MLLT10: variants seen among roughly 807,000 people sequenced by gnomAD.
MLLT10 encodes the protein protein AF-10.
Under a neutral mutation model 129.1 loss-of-function variants are expected in MLLT10, and 30 were observed. The observed-to-expected ratio is 0.23, with a 90% CI of 0.17 to 0.32. MLLT10 has a LOEUF of 0.32. MLLT10 is among the 10% of genes least tolerant of loss of function. The probability of loss-of-function intolerance (pLI) is 1.00; values close to 1 mark genes in which losing one functional copy is unlikely to be tolerated. For missense variants in MLLT10, 1,119 were observed against 1,268.3 expected (o/e 0.88, Z 1.79); for synonymous variants, 490 against 446.4 (o/e 1.10, Z -1.23).
intron 13 of MLLT10, among the ~76,000 whole-genome samples, chr10:21,704,019 T>TTG (rs1490038643): frequency 1.2e-4 from 15 of 126,076 alleles, no homozygotes; most frequent in Non-Finnish European, 2.5e-4. Context: ...GTTTTTTGTT[T>TTG]TTTTTTTTTT....
chr10:21,583,169 CAAAAT>C (rs762182229), intron 3 of MLLT10, among the ~76,000 whole-genome samples: 6 of 152,116 alleles, frequency 3.9e-5, no homozygotes, highest in Non-Finnish European at 7.4e-5. Context: ...GACTCCATCT[CAAAAT>C]AAAATAAAAT....
intron 8 of MLLT10, among the ~76,000 whole-genome samples, chr10:21,650,034 G>C (rs1432425689): frequency 1.3e-5 from 2 of 152,080 alleles, no homozygotes; most frequent in Non-Finnish European, 1.5e-5. Flanking sequence ...AGAACACTCT[G>C]GGCAACATAG....
intron 3 of MLLT10, among the ~76,000 whole-genome samples, chr10:21,546,630 C>A (rs942800175): frequency 6.7e-6 from 1 of 149,254 alleles, no homozygotes; most frequent in African/African-American, 2.5e-5. Context: ...TGCAGTGGCG[C>A]AGTCTCAGCT....
intron 9 of MLLT10, among the ~76,000 whole-genome samples, chr10:21,652,807 C>G (rs1033187859): frequency 6.6e-6 from 1 of 152,066 alleles, no homozygotes; most frequent in African/African-American, 2.4e-5. Flanking sequence ...AGCAGGGAGG[C>G]CATTAGCAAG....
chr10:21,665,329 C>T (rs1022374771), intron 9 of MLLT10, among the ~76,000 whole-genome samples: 14 of 146,168 alleles, frequency 9.6e-5, no homozygotes, highest in African/African-American at 3.6e-4. Flanking sequence ...ACTCTTGTTG[C>T]CCAGGCTGGA....
chr10:21,659,781 G>T (rs2131344245), intron 9 of MLLT10, among the ~76,000 whole-genome samples: 1 of 152,196 alleles, frequency 6.6e-6, no homozygotes, highest in Middle Eastern at 3.4e-3. Context: ...AAAGTGCTGG[G>T]ATTACAGGTG....
chr10:21,666,163 T>C (rs960092218), intron 9 of MLLT10, among the ~76,000 whole-genome samples: 1 of 152,196 alleles, frequency 6.6e-6, no homozygotes, highest in African/African-American at 2.4e-5. Flanking sequence ...TATTGTTTGA[T>C]TTAGAGAGTA....
intron 3 of MLLT10, among the ~76,000 whole-genome samples, chr10:21,566,628 T>C (rs776101288): frequency 4.6e-5 from 7 of 151,952 alleles, no homozygotes; most frequent in African/African-American, 7.2e-5. Flanking sequence ...ATGCCTTGTT[T>C]TAGTTTTTGT....
Position 21,670,640 on chromosome 10 carries a change from A to G in MLLT10, c.987A>G (p.Gly329=), listed in dbSNP as rs2051299887. The G allele has an allele frequency of 6.2e-7, 1 of 1,614,192 alleles. No individual in the cohort carries two copies. The highest frequency in any genetic ancestry group is 1.6e-4 in the Middle Eastern group (1 of 6,062). ...CAGCTCACAGCTCAGGTCAAAGGGG[A>G]AGAAAGCCTGGTGGTGGAAGAAATC... ...KSSAHSSGQR[G]RKPGGGRNPG... The change falls in exon 10 of 23, where the codon GGA becomes GGG. Residue 329 remains glycine (G), a synonymous_variant. Transcript: ENST00000307729.
intron 2 of MLLT10, among the ~76,000 whole-genome samples, chr10:21,537,261 T>C (rs1032283004): frequency 3.3e-5 from 5 of 152,170 alleles, no homozygotes; most frequent in Admixed American, 6.5e-5. Flanking sequence ...GATTGTACAG[T>C]GGGTAGTACT....
At chr10:21,688,373 T>C in intron 13 of MLLT10, 1 of 786,160 alleles carries the variant, frequency 1.3e-6, no homozygotes, top group Admixed American at 2.3e-5. Flanking sequence ...TTAACCCTGA[T>C]GATCCACCCC....
At chr10:21,645,615 T>C (rs1357961014) in intron 8 of MLLT10, among the ~76,000 whole-genome samples, 1 of 152,224 alleles carries the variant, frequency 6.6e-6, no homozygotes, top group Non-Finnish European at 1.5e-5. Flanking sequence ...TTCTTTCTTA[T>C]ATGTTAGCAA....
chr10:21,689,799 A>G (rs1427403086), intron 13 of MLLT10, among the ~76,000 whole-genome samples: 1 of 151,518 alleles, frequency 6.6e-6, no homozygotes, highest in African/African-American at 2.4e-5. Context: ...GTACTTTAGG[A>G]AGTTTCAACT....
intron 3 of MLLT10, among the ~76,000 whole-genome samples, chr10:21,581,982 C>T (rs2041505755): frequency 1.3e-5 from 2 of 152,154 alleles, no homozygotes; most frequent in Admixed American, 6.6e-5. Context: ...CATTACGTCA[C>T]TAGGCAATAG....
At chr10:21,724,279 GA>G (rs1168762316) in intron 14 of MLLT10, among the ~76,000 whole-genome samples, 1 of 152,238 alleles carries the variant, frequency 6.6e-6, no homozygotes, top group Non-Finnish European at 1.5e-5. Context: ...GTACATCCCA[GA>G]AACTGTTTCC....
At chr10:21,713,037 C>T (rs1460207537) in intron 13 of MLLT10, among the ~76,000 whole-genome samples, 1 of 152,128 alleles carries the variant, frequency 6.6e-6, no homozygotes, top group Admixed American at 6.5e-5. Context: ...CCCATGGTGC[C>T]TCTCAAAGTG....
At chr10:21,679,558 G>T (rs1295875992) in intron 11 of MLLT10, among the ~76,000 whole-genome samples, 1 of 152,096 alleles carries the variant, frequency 6.6e-6, no homozygotes, top group Non-Finnish European at 1.5e-5. Flanking sequence ...TGAGCAGTAG[G>T]ATATAAATAA....
chr10:21,585,919 G>C (rs1221016582), intron 3 of MLLT10, among the ~76,000 whole-genome samples: 2 of 152,094 alleles, frequency 1.3e-5, no homozygotes, highest in Non-Finnish European at 2.9e-5. Context: ...GCGCTGCCAA[G>C]CCTGGCTAAT....
intron 3 of MLLT10, among the ~76,000 whole-genome samples, chr10:21,548,006 A>G (rs1256370869): frequency 6.6e-6 from 1 of 152,062 alleles, no homozygotes; most frequent in East Asian, 1.9e-4. Flanking sequence ...TGAGGCTAGT[A>G]AGTAATAAGT....
Sources: gnomAD v4.1 joint callset for allele counts (sites outside exome capture counted in the v4.1 genomes callset) on GRCh38, gnomAD v4.1.1 for gene constraint, MANE v1.5 for transcripts, NCBI Gene and HGNC (gene_info 2026-07-23, HGNC 2026-07-21) for gene names.